The following LBH variants were observed in gnomAD, a reference collection of about 807,000 sequenced individuals.
The protein encoded by LBH is LBH regulator of Wnt signaling pathway.
LBH carries 7 observed loss-of-function variants against 12.5 expected under a neutral mutation model. The observed-to-expected ratio is 0.56, with a 90% CI of 0.32 to 1.05. LBH has a LOEUF of 1.05. LBH is among the 50% of genes least tolerant of loss of function. LBH has a pLI of 0.04. For missense variants in LBH, 119 were observed against 138.9 expected (o/e 0.86, Z 0.72); for synonymous variants, 51 against 50.1 (o/e 1.02, Z -0.08).
Position 30,259,036 on chromosome 2 carries a change from C to G in LBH, c.*1415C>G, listed in dbSNP as rs917476684. On this transcript the variant is annotated 3_prime_UTR_variant, in exon 3 of 3. Transcript: ENST00000395323. The stretch of plus-strand genomic sequence containing the variant: ...CCATCTGAAGCAGCAGGTTGCAGGA[C>G]AAATGCTTCAGTCCGCCGAGAGCAG... The G allele has an allele frequency of 6.6e-6, 1 of 152,484 alleles. No homozygotes were observed. Among genetic ancestry groups the G allele is most frequent in the Non-Finnish European group, 1.5e-5 (1 of 67,992 alleles). The allele number at this position is 152,484 out of a possible 1,614,324, so 9.4% of individuals were successfully genotyped here.
chr2:30,251,050 A>ATTTT (rs372791263), intron 2 of LBH, among the ~76,000 whole-genome samples: 11 of 122,522 alleles, frequency 9.0e-5, no homozygotes, highest in Admixed American at 2.7e-4. Flanking sequence ...TGTCAGTAGA[A>ATTTT]TTTTTTTTTT....
intron 2 of LBH, among the ~76,000 whole-genome samples, chr2:30,242,029 GTCAT>G (rs1386958668): frequency 1.3e-5 from 2 of 151,952 alleles, no homozygotes; most frequent in African/African-American, 4.8e-5. Context: ...AACATAATTT[GTCAT>G]TCAATTGTTG....
chr2:30,247,463 ACT>A (rs1238462178), intron 2 of LBH, among the ~76,000 whole-genome samples: 1 of 152,254 alleles, frequency 6.6e-6, no homozygotes, highest in Non-Finnish European at 1.5e-5. Context: ...GGTGACAAAT[ACT>A]GTTATTTTCC....
chr2:30,254,564 C>T (rs1178965110), intron 2 of LBH, among the ~76,000 whole-genome samples: 1 of 151,744 alleles, frequency 6.6e-6, no homozygotes, highest in Non-Finnish European at 1.5e-5. Context: ...TCCAATGCTT[C>T]CCACCCCTCT....
rs773123020 is a variant in LBH at position 30,257,639 on chromosome 2, A to G, written c.*18A>G. Reference sequence around the variant, plus strand: ...AGCAGTAGAGTCCCTGTGGACTCCCATGGGTCATACCAGCCAGCATCTGTT... The same window carrying G: ...AGCAGTAGAGTCCCTGTGGACTCCCGTGGGTCATACCAGCCAGCATCTGTT... On this transcript the variant is annotated 3_prime_UTR_variant, in exon 3 of 3. Coordinates refer to ENST00000395323, the MANE Select transcript of LBH (RefSeq NM_030915.4). 1.3e-6 allele frequency: 2 copies of G among 1,559,712 alleles called. No individual in the cohort carries two copies. The highest frequency in any genetic ancestry group is 1.2e-5 in the South Asian group (1 of 86,342).
chr2:30,253,364 A>G (rs531361970), intron 2 of LBH, among the ~76,000 whole-genome samples: 1 of 152,324 alleles, frequency 6.6e-6, no homozygotes, highest in South Asian at 2.1e-4. Context: ...GGTTCTGGGT[A>G]CTTTTTGTGT....
At chr2:30,247,784 A>T (rs1558388753) in intron 2 of LBH, among the ~76,000 whole-genome samples, 1 of 152,064 alleles carries the variant, frequency 6.6e-6, no homozygotes, top group African/African-American at 2.4e-5. Context: ...AAGGGCATTA[A>T]TTTTTTTTGT....
intron 2 of LBH, among the ~76,000 whole-genome samples, chr2:30,242,009 ATAAAGT>A (rs1275310375): frequency 3.3e-5 from 5 of 152,216 alleles, no homozygotes; most frequent in Non-Finnish European, 5.9e-5. Flanking sequence ...ATATTATATC[ATAAAGT>A]TAAAACATAA....
chr2:30,256,039 C>G (rs910655759), intron 2 of LBH, among the ~76,000 whole-genome samples: 1 of 152,132 alleles, frequency 6.6e-6, no homozygotes, highest in Non-Finnish European at 1.5e-5. Flanking sequence ...GCCCAGCATC[C>G]CAGACAGAGG....
chr2:30,233,516 T>C (rs1173644567), intron 1 of LBH, among the ~76,000 whole-genome samples: 3 of 152,256 alleles, frequency 2.0e-5, no homozygotes, highest in Non-Finnish European at 4.4e-5. Flanking sequence ...GGCACGATGG[T>C]GGAAAGCATT....
chr2:30,243,258 A>G (rs570787487), intron 2 of LBH, among the ~76,000 whole-genome samples: 5 of 152,372 alleles, frequency 3.3e-5, no homozygotes, highest in Admixed American at 1.3e-4. Flanking sequence ...GTCCCCTAGT[A>G]GGTACACTGA....
chr2:30,232,142 C>A (rs1416558712), intron 1 of LBH: 1 of 1,546,528 alleles, frequency 6.5e-7, no homozygotes. Context: ...CCGGGCCCCT[C>A]CTCTTTTTCT....
chr2:30,231,816 G>T, intron 1 of LBH, 52 bp downstream of exon 1: 1 of 1,508,316 alleles, frequency 6.6e-7, no homozygotes. Context: ...GTGGCTGCGG[G>T]CCCGGGCGCC....
At chr2:30,249,481 G>A (rs570814920) in intron 2 of LBH, among the ~76,000 whole-genome samples, 1 of 152,288 alleles carries the variant, frequency 6.6e-6, no homozygotes, top group South Asian at 2.1e-4. Context: ...GGAAGCTGAG[G>A]GGCAGGCCCC....
chr2:30,232,090 G>T, intron 1 of LBH: 1 of 1,534,672 alleles, frequency 6.5e-7, no homozygotes. Flanking sequence ...AGAGCTGCAG[G>T]AGGCGCGCGC....
chr2:30,254,382 GACCGTGGGTA>G (rs1305403766), intron 2 of LBH, among the ~76,000 whole-genome samples: 2 of 152,202 alleles, frequency 1.3e-5, no homozygotes, highest in African/African-American at 4.8e-5. Context: ...GATTGCAGTT[GACCGTGGGTA>G]ACTGAAACCA....
intron 2 of LBH, among the ~76,000 whole-genome samples, chr2:30,256,114 G>A (rs939687193): frequency 2.6e-5 from 4 of 152,150 alleles, no homozygotes; most frequent in South Asian, 2.1e-4. Context: ...GCAGCCCAGC[G>A]GATTAAGTAC....
chr2:30,256,602 C>T (rs1217438406), intron 2 of LBH: 3 of 152,306 alleles, frequency 2.0e-5, no homozygotes, highest in Middle Eastern at 3.4e-3. Context: ...ACCACAAGCT[C>T]CGCCTCCCGG....
rs192244175 is a variant in LBH, at chr2:30,234,368, G to A, written c.27-37G>A. 56 of 1,490,938 alleles carry A rather than the reference G, an allele frequency of 3.8e-5. No individual in the cohort carries two copies. The Admixed American group carries it at 4.3e-4, about 12-fold the overall frequency. 92.4% of individuals were successfully genotyped at this position (1,490,938 alleles called of 1,614,324 possible). A position where few individuals can be genotyped will look rare whatever the true frequency, so the allele number is the denominator to read the frequency against. ...TGAAGAGTTAGGAATGTGAAAGCGC[G>A]TGTGTTTGTTGACTTTTGGTCTGGG... On this transcript the variant is annotated intron_variant, in intron 1 of 2. Coordinates refer to ENST00000395323, the MANE Select transcript of LBH (RefSeq NM_030915.4).
Sources: allele counts gnomAD v4.1 joint callset (sites outside exome capture counted in the v4.1 genomes callset), GRCh38; gene constraint gnomAD v4.1.1; transcripts MANE v1.5; gene names NCBI Gene and HGNC (gene_info 2026-07-23, HGNC 2026-07-21).